Variants in FAM222B observed in about 807,000 individuals in gnomAD.
FAM222B encodes the protein protein FAM222B.
FAM222B carries 12 observed loss-of-function variants against 38.0 expected under a neutral mutation model. The ratio of observed to expected loss-of-function variants is 0.32; its 90% CI spans 0.20 to 0.51. The LOEUF (loss-of-function observed/expected upper bound fraction) is 0.51. Ranked by LOEUF, FAM222B falls within the 20% of genes least tolerant of loss-of-function variation. The pLI, the probability that FAM222B is intolerant of heterozygous loss-of-function variation, is 0.97. For synonymous variants in FAM222B, 329 were observed against 317.2 expected, an observed-to-expected ratio of 1.04 and a Z score of -0.40; for missense variants, 716 against 754.2, an observed-to-expected ratio of 0.95 and a Z score of 0.59.
chr17:28,837,931 G>A (rs983707084), intron 1 of FAM222B, among the ~76,000 whole-genome samples: 2 of 152,112 alleles, frequency 1.3e-5, no homozygotes, highest in Non-Finnish European at 2.9e-5. Context: ...AGGATTACAG[G>A]AGTGAGCCAA....
At chr17:28,853,116 C>T (rs1042673581) in intron 1 of FAM222B, among the ~76,000 whole-genome samples, 5 of 151,530 alleles carry the variant, frequency 3.3e-5, no homozygotes, top group African/African-American at 1.2e-4. Context: ...TCACTTCAAC[C>T]CGGGAAGTAG....
intron 1 of FAM222B, among the ~76,000 whole-genome samples, chr17:28,832,252 T>C (rs1279212379): frequency 6.6e-6 from 1 of 152,168 alleles, no homozygotes; most frequent in African/African-American, 2.4e-5. Flanking sequence ...TTAGGAGGAT[T>C]AGAAATCTAA....
intron 1 of FAM222B, among the ~76,000 whole-genome samples, chr17:28,829,270 A>G (rs1357211683): frequency 5.9e-5 from 8 of 135,404 alleles, no homozygotes; most frequent in African/African-American, 1.4e-4. Context: ...GCTGGAGTGC[A>G]ATGGCGCCAT....
chr17:28,813,853 G>C (rs1015201484), intron 1 of FAM222B, among the ~76,000 whole-genome samples: 1 of 151,792 alleles, frequency 6.6e-6, no homozygotes, highest in Non-Finnish European at 1.5e-5. Flanking sequence ...GCATGGAATA[G>C]GACATTTTAA....
chr17:28,847,615 T>TTAAA (rs1477674267), upstream of FAM222B, among the ~76,000 whole-genome samples: 3 of 149,888 alleles, frequency 2.0e-5, no homozygotes, highest in African/African-American at 7.4e-5. Flanking sequence ...AATAAATTAA[T>TTAAA]TAAATAAAGA....
At chr17:28,762,145 T>C (rs1425517154) in intron 2 of FAM222B, 1 of 152,006 alleles carries the variant, frequency 6.6e-6, no homozygotes, top group Non-Finnish European at 1.5e-5. Context: ...GATGCTGAAA[T>C]GGTGAAGAGG....
chr17:28,835,054 G>A (rs995470812), intron 1 of FAM222B, among the ~76,000 whole-genome samples: 1 of 149,470 alleles, frequency 6.7e-6, no homozygotes, highest in African/African-American at 2.5e-5. Context: ...GTGTGTGTGT[G>A]TGTGTGTGTG....
At chr17:28,808,127 C>T (rs1191694419) in intron 1 of FAM222B, among the ~76,000 whole-genome samples, 1 of 152,206 alleles carries the variant, frequency 6.6e-6, no homozygotes, top group African/African-American at 2.4e-5. Flanking sequence ...TTTTTCCACA[C>T]GTCCAGCAGG....
chr17:28,818,737 G>C (rs2038115341), intron 1 of FAM222B, among the ~76,000 whole-genome samples: 1 of 152,120 alleles, frequency 6.6e-6, no homozygotes, highest in Non-Finnish European at 1.5e-5. Context: ...TGTATGTTCT[G>C]GGAGTAGAGA....
Position 28,791,282 on chromosome 17 carries a change from A to G in FAM222B, c.-40-24575T>C, listed in dbSNP as rs117918968. ...GGGTTGGAGATCAAAAAGAGATGAGAGTGGTCTGTTAGCAACTATTCTCAT... is the reference window on the plus strand; with the variant it reads ...GGGTTGGAGATCAAAAAGAGATGAGGGTGGTCTGTTAGCAACTATTCTCAT... On this transcript the variant is annotated intron_variant, in intron 1 of 2. Transcript: ENST00000581407. 5.1e-3 allele frequency among the ~76,000 whole-genome samples: 777 copies of G among 152,092 alleles called. 2 individuals carry two copies. The highest frequency in any genetic ancestry group is 0.048 in the Middle Eastern group (14 of 292).
At chr17:28,845,514 C>T (rs1254276787), upstream of FAM222B, among the ~76,000 whole-genome samples, 1 of 149,026 alleles carries the variant, frequency 6.7e-6, no homozygotes, top group African/African-American at 2.5e-5. Flanking sequence ...GGAAGCGGAG[C>T]TTGCAGTGAG....
chr17:28,834,012 A>G (rs556388720), intron 1 of FAM222B, among the ~76,000 whole-genome samples: 183 of 152,310 alleles, frequency 1.2e-3, no homozygotes, highest in Non-Finnish European at 2.1e-3. Context: ...TTAGTTGTCC[A>G]TGCCAGCAAT....
At chr17:28,850,250 C>A (rs1424879386) in intron 1 of FAM222B, among the ~76,000 whole-genome samples, 1 of 152,118 alleles carries the variant, frequency 6.6e-6, no homozygotes, top group East Asian at 1.9e-4. Flanking sequence ...TCCTTCCACT[C>A]TGGGTACTTG....
Position 28,756,849 on chromosome 17 carries a change from A to T in FAM222B, c.*1421T>A, listed in dbSNP as rs1281226140. 1 of 152,586 alleles carries T rather than the reference A, an allele frequency of 6.6e-6. No individual in the cohort carries two copies. Among genetic ancestry groups the T allele is most frequent in the Non-Finnish European group, 1.5e-5 (1 of 68,044 alleles). The allele number at this position is 152,586 out of a possible 1,614,324, so 9.5% of individuals were successfully genotyped here. ...TTCTGGCTAACGAACAGTAGTGGAT[A>T]GTGAACAAAATGCAAAACCTTAAAT... On this transcript the variant is annotated 3_prime_UTR_variant, in exon 3 of 3. Transcript: ENST00000581407.
chr17:28,832,204 A>T (rs1410812189), intron 1 of FAM222B, among the ~76,000 whole-genome samples: 1 of 152,088 alleles, frequency 6.6e-6, no homozygotes, highest in Non-Finnish European at 1.5e-5. Flanking sequence ...AAAATAAAAT[A>T]AAAATAAAAA....
At chr17:28,852,890 C>T (rs1439356518) in intron 1 of FAM222B, among the ~76,000 whole-genome samples, 1 of 151,932 alleles carries the variant, frequency 6.6e-6, no homozygotes, top group Admixed American at 6.6e-5. Flanking sequence ...GACTCTGTCT[C>T]TGCAAAAGAT....
At chr17:28,820,727 G>A (rs1416162958) in intron 1 of FAM222B, among the ~76,000 whole-genome samples, 1 of 151,740 alleles carries the variant, frequency 6.6e-6, no homozygotes, top group Non-Finnish European at 1.5e-5. Flanking sequence ...TCTGCCTCCT[G>A]GGTTCAAGCA....
chr17:28,770,936 G>C (rs1296837701), intron 1 of FAM222B, among the ~76,000 whole-genome samples: 9 of 151,042 alleles, frequency 6.0e-5, no homozygotes, highest in African/African-American at 2.2e-4. Context: ...TGATTAAGAG[G>C]CAATTATATA....
chr17:28,808,473 G>C (rs956000235), intron 1 of FAM222B, among the ~76,000 whole-genome samples: 2 of 152,134 alleles, frequency 1.3e-5, no homozygotes, highest in Non-Finnish European at 2.9e-5. Context: ...AACTACTAAG[G>C]GTTAAACTGA....
Sources: allele counts gnomAD v4.1 joint callset (sites outside exome capture counted in the v4.1 genomes callset), GRCh38; gene constraint gnomAD v4.1.1; transcripts MANE v1.5; gene names NCBI Gene and HGNC (gene_info 2026-07-23, HGNC 2026-07-21).